The following RLN2 variants were observed in gnomAD, a reference collection of about 807,000 sequenced individuals.
RLN2 encodes prorelaxin H2.
In RLN2, 10 loss-of-function variants were observed where a neutral mutation model predicts 7.3. The ratio of observed to expected loss-of-function variants is 1.36; its 90% CI spans 0.84 to 2.31. The LOEUF (loss-of-function observed/expected upper bound fraction) is 2.31. Ranked by LOEUF, RLN2 falls within the 30% of genes most tolerant of loss-of-function variation. The pLI is 0.00. For synonymous variants in RLN2, 103 were observed against 82.3 expected, an observed-to-expected ratio of 1.25 and a Z score of -1.36; for missense variants, 298 against 217.6, an observed-to-expected ratio of 1.37 and a Z score of -2.32.
chr9:5,325,796 T>G, the RLN2 span, among the ~76,000 whole-genome samples: 1 of 152,100 alleles, frequency 6.6e-6, no homozygotes, highest in African/African-American at 2.4e-5. Flanking sequence ...AGGGTTGTAG[T>G]TCTATAAATT....
the RLN2 span, among the ~76,000 whole-genome samples, chr9:5,320,620 C>A: frequency 2.0e-5 from 3 of 152,076 alleles, no homozygotes; most frequent in African/African-American, 7.3e-5. Flanking sequence ...ATCCGCCCAC[C>A]TCAGCCTCCC....
the RLN2 span, chr9:5,311,606 G>T: frequency 3.5e-6 from 4 of 1,134,492 alleles, 1 homozygote; most frequent in South Asian, 2.4e-5. Context: ...GATACCCATA[G>T]GGAAAAAGGG....
the RLN2 span, among the ~76,000 whole-genome samples, chr9:5,314,894 G>A: frequency 1.3e-4 from 19 of 151,008 alleles, no homozygotes; most frequent in Admixed American, 2.6e-4. Context: ...TATTGGCTCC[G>A]TTTCCCAAAT....
the RLN2 span, among the ~76,000 whole-genome samples, chr9:5,318,007 C>CGTGTGTGTGTGT: frequency 0.24 from 34,922 of 147,792 alleles, 4,671 homozygotes; most frequent in East Asian, 0.45. Context: ...TGTGTGTGTG[C>CGTGTGTGTGTGT]GTGTGTGTGT....
At chr9:5,330,950 T>G in the RLN2 span, among the ~76,000 whole-genome samples, 4 of 151,806 alleles carry the variant, frequency 2.6e-5, no homozygotes, top group East Asian at 7.7e-4. Flanking sequence ...CAAACTACCA[T>G]CAGAGAATAC....
chr9:5,320,449 C>A, the RLN2 span, among the ~76,000 whole-genome samples: 1 of 152,000 alleles, frequency 6.6e-6, no homozygotes, highest in Non-Finnish European at 1.5e-5. Flanking sequence ...CGGCTCACTG[C>A]AACCTCCACC....
chr9:5,316,397 C>G, the RLN2 span, among the ~76,000 whole-genome samples: 1 of 151,606 alleles, frequency 6.6e-6, no homozygotes, highest in Non-Finnish European at 1.5e-5. Flanking sequence ...CACCATCAAC[C>G]CGATATCTAC....
At chr9:5,329,582 G>A in the RLN2 span, among the ~76,000 whole-genome samples, 47 of 145,156 alleles carry the variant, frequency 3.2e-4, no homozygotes, top group African/African-American at 4.3e-4. Context: ...GAAACGGAGA[G>A]AAAAAAAAAA....
the RLN2 span, among the ~76,000 whole-genome samples, chr9:5,323,734 T>G: frequency 6.6e-6 from 1 of 151,978 alleles, no homozygotes; most frequent in Non-Finnish European, 1.5e-5. Flanking sequence ...ATACTAAAAA[T>G]ATATGCAAAA....
At chr9:5,335,680 C>A in the RLN2 span, 2 of 812,916 alleles carry the variant, frequency 2.5e-6, no homozygotes. Context: ...TTTGCATACA[C>A]AAAGAAAAGA....
intron 1 of RLN2, among the ~76,000 whole-genome samples, chr9:5,301,602 C>G (rs1816137246): frequency 2.6e-5 from 4 of 152,162 alleles, no homozygotes; most frequent in African/African-American, 9.7e-5. Context: ...TCTCCATTAA[C>G]AAGGCATTAC....
upstream of RLN2, among the ~76,000 whole-genome samples, chr9:5,305,359 CCACA>C (rs34733616): frequency 0.25 from 30,912 of 121,318 alleles, 4,165 homozygotes; most frequent in South Asian, 0.31. Flanking sequence ...GGAGAACATA[CCACA>C]CACACACACA....
the RLN2 span, chr9:5,311,499 G>C: frequency 1.4e-6 from 1 of 697,368 alleles, no homozygotes; most frequent in Non-Finnish European, 2.6e-6. Flanking sequence ...CACGATGAAG[G>C]ATGAACCACA....
chr9:5,300,536 C>T (rs1816096859), intron 1 of RLN2, 92 bp from the exon 2 acceptor site: 2 of 798,610 alleles, frequency 2.5e-6, no homozygotes. Context: ...GACAAAAAAG[C>T]ATTGCCTCAG....
At chr9:5,310,974 G>A in the RLN2 span, among the ~76,000 whole-genome samples, 1 of 151,900 alleles carries the variant, frequency 6.6e-6, no homozygotes, top group Non-Finnish European at 1.5e-5. Flanking sequence ...TCTTGATTTA[G>A]ATCTGAGTGT....
chr9:5,319,176 G>A, the RLN2 span, among the ~76,000 whole-genome samples: 1 of 151,872 alleles, frequency 6.6e-6, no homozygotes, highest in East Asian at 1.9e-4. Context: ...GTAACCTTTG[G>A]GAAGTGAAAG....
chr9:5,306,844 G>C (rs1816260607), upstream of RLN2, among the ~76,000 whole-genome samples: 1 of 152,040 alleles, frequency 6.6e-6, no homozygotes, highest in Non-Finnish European at 1.5e-5. Flanking sequence ...GAACATTCGA[G>C]GCTGTAAGTG....
chr9:5,314,519 G>C, the RLN2 span, among the ~76,000 whole-genome samples: 1 of 152,012 alleles, frequency 6.6e-6, no homozygotes, highest in African/African-American at 2.4e-5. Context: ...AACCCAATCA[G>C]TTGCACATCT....
At chr9:5,311,562 A>G in the RLN2 span, 1 of 769,782 alleles carries the variant, frequency 1.3e-6, no homozygotes, top group Middle Eastern at 3.3e-4. Flanking sequence ...CCAGAGCTCA[A>G]GCCTAAAAAC....
Sources: allele counts gnomAD v4.1 joint callset (sites outside exome capture counted in the v4.1 genomes callset), GRCh38; gene constraint gnomAD v4.1.1; transcripts MANE v1.5; gene names NCBI Gene and HGNC (gene_info 2026-07-23, HGNC 2026-07-21).